RBMS3: variants seen among roughly 807,000 people sequenced by gnomAD.
The protein encoded by RBMS3 is RNA binding motif single stranded interacting protein 3.
A neutral mutation model predicts 66.8 loss-of-function variants in RBMS3; 27 were observed. The ratio of observed to expected loss-of-function variants is 0.40; its 90% confidence interval spans 0.30 to 0.56. RBMS3 has a LOEUF of 0.56. Among genes scored for constraint, RBMS3 ranks in the 20% least tolerant of loss-of-function variants. The probability of loss-of-function intolerance (pLI) is 0.40; values close to 1 mark genes in which losing one functional copy is unlikely to be tolerated. For missense variants in RBMS3, 513 were observed against 549.5 expected (o/e 0.93, Z 0.66); for synonymous variants, 188 against 183.0 (o/e 1.03, Z -0.22).
At chr3:29,286,973 G>A in intron 1 of RBMS3, among the ~76,000 whole-genome samples, 1 of 152,088 alleles carries the variant, frequency 6.6e-6, no homozygotes. Flanking sequence ...ACAGCTGTAT[G>A]TGATTAAATA....
chr3:29,379,366 T>C (rs561338839), intron 1 of RBMS3, among the ~76,000 whole-genome samples: 7 of 152,140 alleles, frequency 4.6e-5, no homozygotes, highest in Non-Finnish European at 7.4e-5. Flanking sequence ...AAAATGGGTC[T>C]TTTATTTTAG....
At chr3:29,886,957 A>C (rs913703193) in intron 8 of RBMS3, among the ~76,000 whole-genome samples, 1 of 151,810 alleles carries the variant, frequency 6.6e-6, no homozygotes, top group African/African-American at 2.4e-5. Context: ...AGGGTTCTCC[A>C]TCAAGGGCTG....
chr3:29,476,843 T>C (rs2042965513), intron 2 of RBMS3, among the ~76,000 whole-genome samples: 1 of 152,158 alleles, frequency 6.6e-6, no homozygotes, highest in African/African-American at 2.4e-5. Flanking sequence ...AATCTTTAAA[T>C]GAAGCATGCA....
chr3:29,645,930 C>G (rs2049903644), intron 4 of RBMS3, among the ~76,000 whole-genome samples: 1 of 152,120 alleles, frequency 6.6e-6, no homozygotes. Context: ...TGTGATTTGC[C>G]CTGGCCCATA....
rs1344584175 is a variant in RBMS3, at chr3:29,988,040, T to C, written c.1099-103T>C. 8 of 869,866 alleles carry C rather than the reference T, an allele frequency of 9.2e-6. No homozygotes were observed. In the East Asian group the frequency reaches 2.0e-4, roughly 22 times the overall value. 53.9% of individuals were successfully genotyped at this position (869,866 alleles called of 1,614,324 possible). On this transcript the variant is annotated intron_variant, in intron 12 of 14. Transcript: ENST00000383767. ...AATTGAGCTGGGAAAAAATACACAC[T>C]GGCTATGGGCCCCATAGCTAAAGCA...
At chr3:29,591,095 G>C (rs1045316654) in intron 4 of RBMS3, among the ~76,000 whole-genome samples, 3 of 152,126 alleles carry the variant, frequency 2.0e-5, no homozygotes, top group African/African-American at 4.8e-5. Flanking sequence ...AGTATGAAAT[G>C]ATGAGTGTTT....
intron 1 of RBMS3, among the ~76,000 whole-genome samples, chr3:29,351,868 C>T (rs75415498): frequency 0.024 from 3,668 of 151,824 alleles, 155 homozygotes; most frequent in African/African-American, 0.082. Context: ...TTAGTGTAAG[C>T]GATGGAATAC....
At chr3:29,649,433 CT>C (rs1425650894) in intron 4 of RBMS3, among the ~76,000 whole-genome samples, 1 of 152,118 alleles carries the variant, frequency 6.6e-6, no homozygotes, top group Non-Finnish European at 1.5e-5. Flanking sequence ...CATATTCTTA[CT>C]TTTTTTAAAT....
intron 12 of RBMS3, among the ~76,000 whole-genome samples, chr3:29,972,369 T>C (rs1477095525): frequency 2.0e-5 from 3 of 152,090 alleles, no homozygotes; most frequent in Non-Finnish European, 4.4e-5. Context: ...ATCAGATAGC[T>C]TTATGCCCTG....
At chr3:29,977,916 A>C (rs146964756) in intron 12 of RBMS3, among the ~76,000 whole-genome samples, 261 of 152,250 alleles carry the variant, frequency 1.7e-3, no homozygotes, top group African/African-American at 6.1e-3. Flanking sequence ...AGTAAAAAAA[A>C]AAAAGCTTAA....
chr3:29,770,276 A>G lies in RBMS3; in HGVS notation c.637+7287A>G, dbSNP rs565914072. 1.1e-4 allele frequency among the ~76,000 whole-genome samples: 17 copies of G among 152,164 alleles called. No homozygotes were observed. In the South Asian group the frequency reaches 3.3e-3, roughly 30 times the overall value. On this transcript the variant is annotated intron_variant, in intron 6 of 14. Transcript: ENST00000383767. ...ACAAAAAAGAGAATTTCCAGTCTCT[A>G]TTATATCCCTTTTGGCATAATATTG...
At chr3:29,801,576 T>A (rs1029562759) in intron 6 of RBMS3, among the ~76,000 whole-genome samples, 4 of 152,174 alleles carry the variant, frequency 2.6e-5, no homozygotes, top group African/African-American at 9.6e-5. Context: ...TCATTCCTCT[T>A]AATCTTAGCT....
chr3:29,421,789 A>G (rs1473872972), intron 1 of RBMS3, among the ~76,000 whole-genome samples: 1 of 152,178 alleles, frequency 6.6e-6, no homozygotes, highest in East Asian at 1.9e-4. Context: ...TTAAAGAAGG[A>G]CATTCTTTGA....
At chr3:29,971,719 G>A (rs1432922241) in intron 12 of RBMS3, among the ~76,000 whole-genome samples, 3 of 152,052 alleles carry the variant, frequency 2.0e-5, no homozygotes, top group Non-Finnish European at 4.4e-5. Flanking sequence ...TAGTTTACCT[G>A]GTTTGACTGC....
chr3:29,897,961 TA>T (rs2060165747), intron 9 of RBMS3, among the ~76,000 whole-genome samples: 2 of 151,624 alleles, frequency 1.3e-5, no homozygotes, highest in African/African-American at 4.8e-5. Context: ...ATCAAAGTGG[TA>T]AAAAGTTGTT....
chr3:29,958,693 T>G (rs1696205764), intron 12 of RBMS3, among the ~76,000 whole-genome samples: 1 of 152,206 alleles, frequency 6.6e-6, no homozygotes, highest in Non-Finnish European at 1.5e-5. Flanking sequence ...TAAGTTCATT[T>G]GAAGAATTAA....
At chr3:29,988,041 G>A in intron 12 of RBMS3, 102 bp from the exon 13 acceptor site, 3 of 882,974 alleles carry the variant, frequency 3.4e-6, no homozygotes, top group South Asian at 1.5e-5. Flanking sequence ...AATACACACT[G>A]GCTATGGGCC....
intron 6 of RBMS3, among the ~76,000 whole-genome samples, chr3:29,816,553 T>C (rs2057909839): frequency 6.6e-6 from 1 of 152,152 alleles, no homozygotes; most frequent in South Asian, 2.1e-4. Flanking sequence ...CTTCCTTTGA[T>C]TGTTATTTGC....
chr3:29,367,767 T>A (rs967197524), intron 1 of RBMS3, among the ~76,000 whole-genome samples: 6 of 152,184 alleles, frequency 3.9e-5, no homozygotes, highest in African/African-American at 1.4e-4. Flanking sequence ...TATTCCCCTA[T>A]GCTTAATCAA....
Sources: gnomAD v4.1 joint callset for allele counts (sites outside exome capture counted in the v4.1 genomes callset) on GRCh38, gnomAD v4.1.1 for gene constraint, MANE v1.5 for transcripts, NCBI Gene and HGNC (gene_info 2026-07-23, HGNC 2026-07-21) for gene names.